CDH8: variants seen among roughly 807,000 people sequenced by gnomAD.
CDH8 encodes the protein cadherin-8.
A neutral mutation model predicts 68.1 loss-of-function variants in CDH8; 17 were observed. That is an observed-to-expected ratio of 0.25 (90% CI 0.17 to 0.37). The LOEUF is 0.37. Ranked by LOEUF, CDH8 falls within the 10% of genes least tolerant of loss-of-function variation. The probability of loss-of-function intolerance (pLI) is 1.00; values close to 1 mark genes in which losing one functional copy is unlikely to be tolerated. For synonymous variants in CDH8, 372 were observed against 365.1 expected, an observed-to-expected ratio of 1.02 and a Z score of -0.21; for missense variants, 763 against 999.3, an observed-to-expected ratio of 0.76 and a Z score of 3.19.
At chr16:62,002,832 T>C (rs1965913958) in intron 2 of CDH8, among the ~76,000 whole-genome samples, 1 of 152,128 alleles carries the variant, frequency 6.6e-6, no homozygotes, top group South Asian at 2.1e-4. Flanking sequence ...GGTGGGCGGA[T>C]CACGAGGTCA....
At chr16:61,938,123 A>T (rs1385933787) in intron 2 of CDH8, 2 of 152,140 alleles carry the variant, frequency 1.3e-5, no homozygotes, top group African/African-American at 4.8e-5. Context: ...AGATTTTTTT[A>T]AATTCTCCAA....
At chr16:62,033,137 C>T (rs995208674) in intron 1 of CDH8, among the ~76,000 whole-genome samples, 1 of 152,182 alleles carries the variant, frequency 6.6e-6, no homozygotes, top group South Asian at 2.1e-4. Flanking sequence ...TTTACAAATG[C>T]CTTCTCAAGT....
At chr16:62,006,285 A>T (rs528545430) in intron 2 of CDH8, among the ~76,000 whole-genome samples, 10 of 152,270 alleles carry the variant, frequency 6.6e-5, no homozygotes, top group Middle Eastern at 3.4e-3. Context: ...TTTCCACAAG[A>T]GCCCTTCCGT....
At chr16:61,891,196 T>A (rs987151502) in intron 3 of CDH8, among the ~76,000 whole-genome samples, 3 of 152,052 alleles carry the variant, frequency 2.0e-5, no homozygotes, top group Admixed American at 1.3e-4. Context: ...TACAGGGCAA[T>A]AAAATTGGTT....
At chr16:61,689,558 A>T (rs1896794) in intron 10 of CDH8, among the ~76,000 whole-genome samples, 5 of 151,922 alleles carry the variant, frequency 3.3e-5, no homozygotes, top group African/African-American at 7.2e-5. Context: ...CAACCTCACC[A>T]TGTCTTAAAT....
intron 8 of CDH8, among the ~76,000 whole-genome samples, chr16:61,768,307 TCTCC>T (rs1283685469): frequency 5.2e-5 from 7 of 134,900 alleles, no homozygotes; most frequent in African/African-American, 1.7e-4. Context: ...TCTCTGTGTC[TCTCC>T]CTTTCTCTCT....
At chr16:61,997,150 C>T (rs1244882044) in intron 2 of CDH8, among the ~76,000 whole-genome samples, 1 of 151,974 alleles carries the variant, frequency 6.6e-6, no homozygotes, top group Non-Finnish European at 1.5e-5. Context: ...ATGTTATTTC[C>T]AAGCCACCTT....
chr16:61,963,887 T>G (rs1403781270), intron 2 of CDH8, among the ~76,000 whole-genome samples: 1 of 152,218 alleles, frequency 6.6e-6, no homozygotes, highest in Non-Finnish European at 1.5e-5. Flanking sequence ...ATCTTGCTTA[T>G]CTCTACAGAA....
intron 1 of CDH8, among the ~76,000 whole-genome samples, chr16:62,029,578 G>A (rs1902275740): frequency 6.6e-6 from 1 of 152,174 alleles, no homozygotes. Flanking sequence ...CATTGTCCAT[G>A]ACTATTTTCT....
Position 61,655,576 on chromosome 16 carries a change from G to C in CDH8, c.1800C>G (p.Ser600Arg). Residue 600 changes from serine (S) to arginine (R), a missense_variant, in exon 11 of 12, where the codon AGC (serine) becomes AGG (arginine). By Grantham distance (110) the Ser-to-Arg change is moderately radical. This residue lies in a region of CDH8 where 397 missense variants were observed against 436.2 expected (regional missense o/e 0.91). Coordinates refer to ENST00000577390, the MANE Select transcript of CDH8 (RefSeq NM_001796.5). The stretch of plus-strand genomic sequence containing the variant: ...TGCAAGACTGGACGACACCGTCATT[G>C]CTGCAGCCACAGACCCTGATTGTCA... ...STLTIRVCGC[S>R]NDGVVQSCNV... 1 of 1,614,170 alleles carries C rather than the reference G, an allele frequency of 6.2e-7. No homozygotes were observed. The highest frequency in any genetic ancestry group is 8.5e-7 in the Non-Finnish European group (1 of 1,180,032).
chr16:61,838,858 T>C (rs1046424598), intron 4 of CDH8, among the ~76,000 whole-genome samples: 1 of 152,134 alleles, frequency 6.6e-6, no homozygotes. Context: ...ACTAATCCTT[T>C]CTAATCATGA....
At chr16:62,006,150 G>C (rs1429028552) in intron 2 of CDH8, among the ~76,000 whole-genome samples, 1 of 152,184 alleles carries the variant, frequency 6.6e-6, no homozygotes, top group African/African-American at 2.4e-5. Flanking sequence ...TTCTAGTGTG[G>C]GGCTAATGCC....
At chr16:61,764,500 A>G (rs1960541127) in intron 8 of CDH8, among the ~76,000 whole-genome samples, 1 of 152,102 alleles carries the variant, frequency 6.6e-6, no homozygotes, top group South Asian at 2.1e-4. Flanking sequence ...CTGATGCAAC[A>G]TGGTAACCAT....
At chr16:61,950,738 T>C (rs1964882119) in intron 2 of CDH8, among the ~76,000 whole-genome samples, 1 of 152,172 alleles carries the variant, frequency 6.6e-6, no homozygotes, top group Admixed American at 6.5e-5. Flanking sequence ...ATCATGTCTT[T>C]TGTGGGAACA....
intron 3 of CDH8, among the ~76,000 whole-genome samples, chr16:61,861,738 G>A (rs142619594): frequency 1.3e-3 from 193 of 152,244 alleles, no homozygotes; most frequent in African/African-American, 4.5e-3. Flanking sequence ...TCTTGGCCAA[G>A]TAACAAAAGT....
intron 7 of CDH8, among the ~76,000 whole-genome samples, chr16:61,804,466 A>C (rs1961748858): frequency 6.6e-6 from 1 of 151,478 alleles, no homozygotes; most frequent in Non-Finnish European, 1.5e-5. Context: ...AATAACTAAA[A>C]TCAGAGCAGA....
chr16:61,827,058 T>A (rs535893886), intron 4 of CDH8, among the ~76,000 whole-genome samples: 23 of 151,926 alleles, frequency 1.5e-4, no homozygotes, highest in African/African-American at 5.5e-4. Context: ...TGAGGCATGT[T>A]TGAGAAGAAA....
At chr16:61,687,329 G>A (rs1483846382) in intron 10 of CDH8, among the ~76,000 whole-genome samples, 1 of 151,906 alleles carries the variant, frequency 6.6e-6, no homozygotes, top group African/African-American at 2.4e-5. Flanking sequence ...TACACATACA[G>A]ATTTTATCCA....
chr16:61,951,056 A>G (rs1251626058), intron 2 of CDH8, among the ~76,000 whole-genome samples: 1 of 152,118 alleles, frequency 6.6e-6, no homozygotes, highest in African/African-American at 2.4e-5. Flanking sequence ...AAAAGTTAAA[A>G]AAAACCTCCA....
Sources: gnomAD v4.1 joint callset for allele counts (sites outside exome capture counted in the v4.1 genomes callset) on GRCh38, gnomAD v4.1.1 for gene constraint, gnomAD v4.1.1 regional missense constraint, MANE v1.5 for transcripts, NCBI Gene and HGNC (gene_info 2026-07-23, HGNC 2026-07-21) for gene names.